Variants in SHB observed in about 807,000 individuals in gnomAD.
SHB encodes SH2 domain containing adaptor protein B.
In SHB, 20 loss-of-function variants were observed where a neutral mutation model predicts 52.3. The ratio of observed to expected loss-of-function variants is 0.38; its 90% CI spans 0.27 to 0.56. The LOEUF (loss-of-function observed/expected upper bound fraction) is 0.56. Among genes scored for constraint, SHB ranks in the 20% least tolerant of loss-of-function variants. The pLI, the probability that SHB is intolerant of heterozygous loss-of-function variation, is 0.71. For missense variants in SHB, 825 were observed against 723.3 expected (o/e 1.14, Z -1.61); for synonymous variants, 397 against 316.5 (o/e 1.25, Z -2.70).
intron 2 of SHB, among the ~76,000 whole-genome samples, chr9:38,010,125 T>G (rs1323400156): frequency 6.6e-6 from 1 of 152,242 alleles, no homozygotes; most frequent in African/African-American, 2.4e-5. Flanking sequence ...CTCCAGAAGG[T>G]GCATCTTGGT....
intron 1 of SHB, among the ~76,000 whole-genome samples, chr9:38,050,260 C>G (rs1157534533): frequency 1.3e-5 from 2 of 152,176 alleles, no homozygotes; most frequent in African/African-American, 4.8e-5. Context: ...GTCTTTTATT[C>G]AGCAATGGGA....
intron 5 of SHB, among the ~76,000 whole-genome samples, chr9:37,935,316 C>T (rs1261390493): frequency 6.6e-6 from 1 of 152,176 alleles, no homozygotes; most frequent in Non-Finnish European, 1.5e-5. Context: ...CTAAGAAAAG[C>T]CTGCCCGGCA....
intron 1 of SHB, among the ~76,000 whole-genome samples, chr9:38,026,502 G>A (rs1294406995): frequency 6.6e-6 from 1 of 152,230 alleles, no homozygotes; most frequent in African/African-American, 2.4e-5. Flanking sequence ...TAAGGCACAA[G>A]CAGCACTAAA....
intron 1 of SHB, among the ~76,000 whole-genome samples, chr9:38,027,985 G>C (rs1271141607): frequency 6.6e-6 from 1 of 152,034 alleles, no homozygotes; most frequent in Non-Finnish European, 1.5e-5. Flanking sequence ...GCTCCCATCT[G>C]CTTGGCTCCT....
chr9:38,067,606 CCTAGACAG>C (rs1821987228), intron 1 of SHB, among the ~76,000 whole-genome samples: 1 of 152,160 alleles, frequency 6.6e-6, no homozygotes, highest in African/African-American at 2.4e-5. Context: ...TCTTCGAAGT[CCTAGACAG>C]CTCTGACTCT....
At chr9:38,038,791 G>A (rs768711948) in intron 1 of SHB, among the ~76,000 whole-genome samples, 1 of 152,110 alleles carries the variant, frequency 6.6e-6, no homozygotes, top group African/African-American at 2.4e-5. Context: ...CCGGGGGTGG[G>A]GCAGGGAGAA....
At chr9:37,997,193 AGCCAT>A (rs1218005217) in intron 2 of SHB, among the ~76,000 whole-genome samples, 1 of 152,216 alleles carries the variant, frequency 6.6e-6, no homozygotes, top group African/African-American at 2.4e-5. Flanking sequence ...TTGAAGCTGC[AGCCAT>A]GCCGGCCACA....
chr9:37,919,553 G>T lies in SHB; in HGVS notation c.*268C>A. On this transcript the variant is annotated 3_prime_UTR_variant, in exon 6 of 6. Coordinates refer to ENST00000377707, the MANE Select transcript of SHB (RefSeq NM_003028.3). ...TGTTCATCCTGGAAGGCATCTCTTT[G>T]GATTTGCAAATATTTTAATTCACAG... 4 of 193,080 alleles carry T rather than the reference G, an allele frequency of 2.1e-5. No individual in the cohort carries two copies. The highest frequency in any genetic ancestry group is 1.2e-4 in the Admixed American group (2 of 16,588). The allele number at this position is 193,080 out of a possible 1,614,324, so 12.0% of individuals were successfully genotyped here. A position where few individuals can be genotyped will look rare whatever the true frequency, so the allele number is the denominator to read the frequency against.
Position 37,920,022 on chromosome 9 carries a change from A to C in SHB, c.1347-18T>G, listed in dbSNP as rs777929690. The C allele has an allele frequency of 1.9e-6, 3 of 1,608,058 alleles. No individual in the cohort carries two copies. The highest frequency in any genetic ancestry group is 8.5e-7 in the Non-Finnish European group (1 of 1,174,846). ...GGTTGCTCCTGTGAACAAAACACAG[A>C]GTTATCAGAACTACCCCCCTGACAC... is the stretch of plus-strand genomic sequence containing the variant. On this transcript the variant is annotated intron_variant, in intron 5 of 5. Transcript: ENST00000377707.
intron 5 of SHB, among the ~76,000 whole-genome samples, chr9:37,921,398 C>A (rs1832179076): frequency 6.6e-6 from 1 of 152,210 alleles, no homozygotes; most frequent in African/African-American, 2.4e-5. Context: ...CTTACAAGTG[C>A]CCACTCTATT....
intron 4 of SHB, among the ~76,000 whole-genome samples, chr9:37,954,153 G>A (rs746858261): frequency 3.3e-5 from 5 of 152,214 alleles, no homozygotes; most frequent in Non-Finnish European, 5.9e-5. Context: ...CCTGTCAGAC[G>A]ATCTGCATGG....
At chr9:38,050,211 A>G (rs1308782711) in intron 1 of SHB, among the ~76,000 whole-genome samples, 4 of 151,922 alleles carry the variant, frequency 2.6e-5, no homozygotes, top group African/African-American at 4.9e-5. Flanking sequence ...GAACCAATGC[A>G]GGGAAATGTC....
At chr9:38,043,251 C>T (rs773973374) in intron 1 of SHB, among the ~76,000 whole-genome samples, 1 of 152,196 alleles carries the variant, frequency 6.6e-6, no homozygotes, top group Admixed American at 6.5e-5. Flanking sequence ...TCTGCCTATG[C>T]CACAGTGCCC....
At chr9:37,994,922 G>A (rs1166075553) in intron 2 of SHB, among the ~76,000 whole-genome samples, 5 of 152,160 alleles carry the variant, frequency 3.3e-5, no homozygotes, top group Non-Finnish European at 7.3e-5. Context: ...TCTGTGACAA[G>A]GCTGAGAAGG....
At chr9:38,044,743 T>C (rs1027642442) in intron 1 of SHB, among the ~76,000 whole-genome samples, 1 of 152,196 alleles carries the variant, frequency 6.6e-6, no homozygotes, top group Non-Finnish European at 1.5e-5. Context: ...TTGGGGACTA[T>C]TGGGGTTTTA....
At chr9:37,955,636 C>A (rs1832621268) in intron 4 of SHB, among the ~76,000 whole-genome samples, 1 of 144,004 alleles carries the variant, frequency 6.9e-6, no homozygotes, top group Non-Finnish European at 1.5e-5. Context: ...TGCCATCATA[C>A]CTGGTTAATT....
At chr9:37,968,996 C>T (rs1372445579) in intron 3 of SHB, among the ~76,000 whole-genome samples, 4 of 152,174 alleles carry the variant, frequency 2.6e-5, no homozygotes, top group African/African-American at 4.8e-5. Flanking sequence ...AATGAAAGCA[C>T]GAACCTCCAG....
In SHB at chr9:38,015,272, C is replaced by T. The variant is rs1821195400; in HGVS notation, c.838+739G>A. Reference sequence around the variant, plus strand: ...CTTTTGCTTGTGACCTCCCCCTAATCCTGCCTACAAGATGACTGATGTCTG... The same window carrying T: ...CTTTTGCTTGTGACCTCCCCCTAATTCTGCCTACAAGATGACTGATGTCTG... On this transcript the variant is annotated intron_variant, in intron 2 of 5. Coordinates refer to ENST00000377707, the MANE Select transcript of SHB (RefSeq NM_003028.3). 2.5e-5 allele frequency: 15 copies of T among 605,528 alleles called. No homozygotes were observed. In the South Asian group the frequency reaches 2.6e-4, roughly 10 times the overall value. The allele number at this position is 605,528 out of a possible 1,614,324, so 37.5% of individuals were successfully genotyped here. A position where few individuals can be genotyped will look rare whatever the true frequency, so the allele number is the denominator to read the frequency against.
At chr9:38,003,445 C>T (rs530150922) in intron 2 of SHB, among the ~76,000 whole-genome samples, 2 of 152,194 alleles carry the variant, frequency 1.3e-5, no homozygotes, top group African/African-American at 2.4e-5. Flanking sequence ...ACATCCTCCC[C>T]GCGGCTCCCC....
Sources: gnomAD v4.1 joint callset for allele counts (sites outside exome capture counted in the v4.1 genomes callset) on GRCh38, gnomAD v4.1.1 for gene constraint, MANE v1.5 for transcripts, NCBI Gene and HGNC (gene_info 2026-07-23, HGNC 2026-07-21) for gene names.